The following KHDRBS2 variants were observed in gnomAD, a reference collection of about 807,000 sequenced individuals.
KHDRBS2 encodes KH RNA binding domain containing, signal transduction associated 2.
Under a neutral mutation model 44.3 loss-of-function variants are expected in KHDRBS2, and 26 were observed. That is an observed-to-expected ratio of 0.59 (90% CI 0.43 to 0.81). The LOEUF is 0.81. Among genes scored for constraint, KHDRBS2 ranks in the 40% least tolerant of loss-of-function variants. The pLI, the probability that KHDRBS2 is intolerant of heterozygous loss-of-function variation, is 0.00. For synonymous variants in KHDRBS2, 194 were observed against 151.1 expected, an observed-to-expected ratio of 1.28 and a Z score of -2.08; for missense variants, 476 against 433.1, an observed-to-expected ratio of 1.10 and a Z score of -0.88.
intron 6 of KHDRBS2, among the ~76,000 whole-genome samples, chr6:61,772,536 T>G (rs551661945): frequency 1.3e-5 from 2 of 152,178 alleles, no homozygotes; most frequent in African/African-American, 4.8e-5. Flanking sequence ...TATAAACACT[T>G]ATACACAAAT....
intron 6 of KHDRBS2, among the ~76,000 whole-genome samples, chr6:61,813,330 A>G (rs1314997205): frequency 6.6e-6 from 1 of 152,138 alleles, no homozygotes; most frequent in African/African-American, 2.4e-5. Flanking sequence ...TATTCTTGAT[A>G]TTATACTACT....
At chr6:61,978,672 TA>T (rs1333308869) in intron 3 of KHDRBS2, among the ~76,000 whole-genome samples, 1 of 152,104 alleles carries the variant, frequency 6.6e-6, no homozygotes, top group African/African-American at 2.4e-5. Context: ...TTGATTGTGA[TA>T]AAAAGTAGGG....
the KHDRBS2 span, among the ~76,000 whole-genome samples, chr6:61,637,561 G>T: frequency 1.3e-5 from 2 of 152,084 alleles, no homozygotes; most frequent in African/African-American, 4.8e-5. Flanking sequence ...TAATGGGATG[G>T]CTGGGTCAAA....
chr6:61,816,933 A>T (rs1022001562), intron 6 of KHDRBS2: 3 of 455,628 alleles, frequency 6.6e-6, no homozygotes, highest in Non-Finnish European at 1.3e-5. Context: ...CATCTTTAGC[A>T]TTTCTACTTG....
intron 6 of KHDRBS2, among the ~76,000 whole-genome samples, chr6:61,739,950 T>C (rs1435497968): frequency 6.6e-6 from 1 of 152,004 alleles, no homozygotes; most frequent in Non-Finnish European, 1.5e-5. Context: ...CAATTTTTAA[T>C]AATGACTGTG....
chr6:62,207,347 T>A (rs1828164519), intron 1 of KHDRBS2, among the ~76,000 whole-genome samples: 1 of 152,090 alleles, frequency 6.6e-6, no homozygotes. Context: ...AATGTCTGCT[T>A]TATCCACAAA....
At chr6:61,685,183 GA>G (rs1766689994) in intron 8 of KHDRBS2, among the ~76,000 whole-genome samples, 1 of 151,750 alleles carries the variant, frequency 6.6e-6, no homozygotes, top group Non-Finnish European at 1.5e-5. Flanking sequence ...TCATCTCAAA[GA>G]AGAGATTTTC....
the KHDRBS2 span, among the ~76,000 whole-genome samples, chr6:61,565,329 G>A: frequency 6.6e-6 from 1 of 151,840 alleles, no homozygotes; most frequent in Non-Finnish European, 1.5e-5. Context: ...ATTACATCAA[G>A]CTATAAAGCT....
At chr6:61,776,249 C>T (rs1401669821) in intron 6 of KHDRBS2, among the ~76,000 whole-genome samples, 2 of 149,270 alleles carry the variant, frequency 1.3e-5, no homozygotes, top group Non-Finnish European at 3.0e-5. Flanking sequence ...TTCATGTCTA[C>T]AACACCAAAA....
chr6:61,936,301 C>T (rs1811011574), intron 4 of KHDRBS2, among the ~76,000 whole-genome samples: 1 of 151,968 alleles, frequency 6.6e-6, no homozygotes, highest in Non-Finnish European at 1.5e-5. Flanking sequence ...ATACTTTAAA[C>T]AGGCAAACTG....
chr6:61,889,834 C>A lies in KHDRBS2; in HGVS notation c.810+4801G>T, dbSNP rs554464430. On this transcript the variant is annotated intron_variant, in intron 6 of 8. Coordinates refer to ENST00000281156, the MANE Select transcript of KHDRBS2 (RefSeq NM_152688.4). ...ACACATTCTGCTCCAGCTTTAATGT[C>A]CTCCTTGCTGATCCCCAAATATTTC... 4.6e-5 allele frequency among the ~76,000 whole-genome samples: 7 copies of A among 152,300 alleles called. No individual in the cohort carries two copies. The South Asian group carries it at 8.3e-4, about 18-fold the overall frequency.
intron 1 of KHDRBS2, among the ~76,000 whole-genome samples, chr6:62,238,187 A>G (rs1834012602): frequency 6.6e-6 from 1 of 152,126 alleles, no homozygotes; most frequent in African/African-American, 2.4e-5. Flanking sequence ...AGCATACACT[A>G]TTTTGCACAG....
chr6:62,241,136 G>A (rs1407342347), intron 1 of KHDRBS2, among the ~76,000 whole-genome samples: 4 of 152,132 alleles, frequency 2.6e-5, no homozygotes, highest in Non-Finnish European at 4.4e-5. Context: ...CAAACCCATC[G>A]CTAGGGGCTC....
intron 2 of KHDRBS2, among the ~76,000 whole-genome samples, chr6:62,126,058 AGCCTTGGCTATTGGATG>A (rs1808886692): frequency 6.6e-6 from 1 of 152,116 alleles, no homozygotes; most frequent in Non-Finnish European, 1.5e-5. Context: ...CCCAGTTCCA[AGCCTTGGCTATTGGATG>A]GCATTTCTGA....
chr6:62,251,343 C>G (rs772726688), intron 1 of KHDRBS2, among the ~76,000 whole-genome samples: 73 of 151,730 alleles, frequency 4.8e-4, no homozygotes, highest in Non-Finnish European at 9.0e-4. Context: ...AATTAAAAAA[C>G]CACAAATATG....
intron 2 of KHDRBS2, 123 bp from the exon 3 acceptor site, chr6:62,048,117 A>AACAGAC: frequency 3.8e-6 from 2 of 523,694 alleles, no homozygotes; most frequent in Non-Finnish European, 6.7e-6. Context: ...TCATGCCATA[A>AACAGAC]ACATACACAC....
intron 2 of KHDRBS2, among the ~76,000 whole-genome samples, chr6:62,119,775 A>T (rs1734341923): frequency 6.6e-6 from 1 of 152,160 alleles, no homozygotes; most frequent in Non-Finnish European, 1.5e-5. Flanking sequence ...TGAGGTGATT[A>T]ACCATACACT....
At chr6:61,852,254 A>G (rs1394356700) in intron 6 of KHDRBS2, among the ~76,000 whole-genome samples, 1 of 151,202 alleles carries the variant, frequency 6.6e-6, no homozygotes, top group Admixed American at 6.6e-5. Flanking sequence ...AAAATGAAGT[A>G]AACCAGAAAA....
chr6:62,284,007 A>G (rs942424423), intron 1 of KHDRBS2, among the ~76,000 whole-genome samples: 14 of 152,100 alleles, frequency 9.2e-5, no homozygotes, highest in African/African-American at 3.4e-4. Flanking sequence ...AAAGCAGGGC[A>G]TGCTTCCCCC....
Sources: gnomAD v4.1 joint callset for allele counts (sites outside exome capture counted in the v4.1 genomes callset) on GRCh38, gnomAD v4.1.1 for gene constraint, MANE v1.5 for transcripts, NCBI Gene and HGNC (gene_info 2026-07-23, HGNC 2026-07-21) for gene names.